Variants in CNTNAP2 observed in about 807,000 individuals in gnomAD.
CNTNAP2 encodes the protein contactin-associated protein-like 2.
In CNTNAP2, 98 loss-of-function variants were observed where a neutral mutation model predicts 155.2. The observed-to-expected ratio is 0.63, with a 90% CI of 0.54 to 0.75. The LOEUF (loss-of-function observed/expected upper bound fraction) is 0.75. Ranked by LOEUF, CNTNAP2 falls within the 30% of genes least tolerant of loss-of-function variation. The pLI, the probability that CNTNAP2 is intolerant of heterozygous loss-of-function variation, is 0.00. For synonymous variants in CNTNAP2, 651 were observed against 631.2 expected (o/e 1.03, Z -0.47); for missense variants, 1,727 against 1,688.1 (o/e 1.02, Z -0.40).
chr7:148,054,587 C>A (rs1802972745), intron 15 of CNTNAP2, among the ~76,000 whole-genome samples: 1 of 151,362 alleles, frequency 6.6e-6, no homozygotes. Flanking sequence ...ACACTCAGAA[C>A]TCTATGCTCC....
intron 10 of CNTNAP2, among the ~76,000 whole-genome samples, chr7:147,439,648 T>C (rs908619667): frequency 4.6e-5 from 7 of 152,024 alleles, no homozygotes; most frequent in Non-Finnish European, 1.0e-4. Flanking sequence ...ATTTTCTCTC[T>C]GAAAGATCTG....
intron 10 of CNTNAP2, among the ~76,000 whole-genome samples, chr7:147,427,217 T>G (rs994115487): frequency 1.3e-5 from 2 of 152,100 alleles, no homozygotes; most frequent in African/African-American, 4.8e-5. Context: ...TTAGTCCCAT[T>G]CAGGGCCCTC....
At chr7:148,355,816 T>A (rs913449887) in intron 21 of CNTNAP2, among the ~76,000 whole-genome samples, 4 of 152,378 alleles carry the variant, frequency 2.6e-5, no homozygotes, top group Admixed American at 2.6e-4. Context: ...AAGGTCTGTC[T>A]GTATCACAAA....
At chr7:147,429,374 T>A (rs2116524898) in intron 10 of CNTNAP2, among the ~76,000 whole-genome samples, 1 of 152,214 alleles carries the variant, frequency 6.6e-6, no homozygotes, top group East Asian at 1.9e-4. Context: ...TGGCCATTTG[T>A]ATATCTTCTT....
chr7:147,567,292 A>T (rs1800193712), intron 12 of CNTNAP2, among the ~76,000 whole-genome samples: 1 of 152,174 alleles, frequency 6.6e-6, no homozygotes, highest in South Asian at 2.1e-4. Flanking sequence ...AGAAATCAGG[A>T]GAAGGAAAAA....
chr7:147,121,290 T>C (rs1258489116), intron 6 of CNTNAP2, 127 bp downstream of exon 6: 1 of 904,032 alleles, frequency 1.1e-6, no homozygotes. Context: ...AACAAGACAC[T>C]GACAATTTTA....
At chr7:146,404,548 C>T (rs112883379) in intron 1 of CNTNAP2, among the ~76,000 whole-genome samples, 4,089 of 152,216 alleles carry the variant, frequency 0.027, 82 homozygotes, top group Middle Eastern at 0.061. Flanking sequence ...TTCAAATTAT[C>T]AGTCAGGGTG....
chr7:146,870,841 A>C (rs1364299463), intron 3 of CNTNAP2, among the ~76,000 whole-genome samples: 1 of 152,168 alleles, frequency 6.6e-6, no homozygotes, highest in African/African-American at 2.4e-5. Context: ...GCTCCTGAGA[A>C]TTATAACTTT....
chr7:146,384,482 A>C (rs10233463), intron 1 of CNTNAP2, among the ~76,000 whole-genome samples: 24,492 of 152,146 alleles, frequency 0.16, 2,466 homozygotes, highest in African/African-American at 0.29. Flanking sequence ...GTATGTTATA[A>C]TTTATTATAT....
intron 8 of CNTNAP2, among the ~76,000 whole-genome samples, chr7:147,221,487 C>T (rs1803397828): frequency 6.6e-6 from 1 of 152,054 alleles, no homozygotes; most frequent in Non-Finnish European, 1.5e-5. Flanking sequence ...AATATCAGGT[C>T]CATGCTTCTG....
rs1482937650 is a variant in CNTNAP2, at chr7:147,108,034, A to T, written c.551-113A>T. On this transcript the variant is annotated intron_variant, in intron 4 of 23. Transcript: ENST00000361727. The stretch of plus-strand genomic sequence containing the variant: ...ATAGAAGAAAAACAGAGGACTGTCA[A>T]TTTCTCAAGAAAAACACTTACTTAA... 9 of 948,320 alleles carry T rather than the reference A, an allele frequency of 9.5e-6. No homozygotes were observed. The African/African-American group carries it at 1.3e-4, about 14-fold the overall frequency. The allele number at this position is 948,320 out of a possible 1,614,324, so 58.7% of individuals were successfully genotyped here. A position where few individuals can be genotyped will look rare whatever the true frequency, so the allele number is the denominator to read the frequency against.
chr7:146,934,265 G>A (rs952738350), intron 3 of CNTNAP2, among the ~76,000 whole-genome samples: 4 of 151,976 alleles, frequency 2.6e-5, no homozygotes, highest in Non-Finnish European at 5.9e-5. Context: ...GCAGCCATAA[G>A]AAATGATGAG....
intron 13 of CNTNAP2, among the ~76,000 whole-genome samples, chr7:147,718,953 T>C (rs1336964663): frequency 6.6e-6 from 1 of 152,126 alleles, no homozygotes; most frequent in African/African-American, 2.4e-5. Context: ...AACTGTCCTT[T>C]AAGGATTTTC....
chr7:147,589,793 G>A (rs917684030), intron 12 of CNTNAP2, among the ~76,000 whole-genome samples: 3 of 152,032 alleles, frequency 2.0e-5, no homozygotes, highest in African/African-American at 7.2e-5. Context: ...GAGTATCCCA[G>A]GGGTATATAC....
At chr7:147,044,128 AT>A in intron 4 of CNTNAP2, 74 bp downstream of exon 4, 2 of 1,544,688 alleles carry the variant, frequency 1.3e-6, no homozygotes, top group South Asian at 2.3e-5. Flanking sequence ...ATTTTAAATT[AT>A]TTAACATTAC....
intron 1 of CNTNAP2, among the ~76,000 whole-genome samples, chr7:146,144,334 T>G (rs114990677): frequency 0.015 from 2,252 of 151,850 alleles, 60 homozygotes; most frequent in African/African-American, 0.052. Flanking sequence ...ATATTTTGGT[T>G]AGAGAGGGGC....
chr7:147,945,689 TTA>T (rs10557677), intron 14 of CNTNAP2, among the ~76,000 whole-genome samples: 52,952 of 148,140 alleles, frequency 0.36, 10,063 homozygotes, highest in East Asian at 0.73. Context: ...ACAAAAGCCT[TTA>T]TATATATATA....
chr7:146,480,391 G>A (rs574941007), intron 1 of CNTNAP2, among the ~76,000 whole-genome samples: 8 of 151,962 alleles, frequency 5.3e-5, no homozygotes, highest in Non-Finnish European at 7.4e-5. Context: ...TCAATAGGTC[G>A]CAAAAATTAC....
intron 9 of CNTNAP2, among the ~76,000 whole-genome samples, chr7:147,308,952 A>G (rs2692179): frequency 0.53 from 79,878 of 152,046 alleles, 21,813 homozygotes; most frequent in East Asian, 0.73. Context: ...AAATAAGCAA[A>G]TGGAGAACCC....
Sources: allele counts gnomAD v4.1 joint callset (sites outside exome capture counted in the v4.1 genomes callset), GRCh38; gene constraint gnomAD v4.1.1; transcripts MANE v1.5; gene names NCBI Gene and HGNC (gene_info 2026-07-23, HGNC 2026-07-21).